LRRC72: variants seen among roughly 807,000 people sequenced by gnomAD.
The protein encoded by LRRC72 is leucine-rich repeat-containing protein 72.
LRRC72 carries 41 observed loss-of-function variants against 35.8 expected under a neutral mutation model. The observed-to-expected ratio is 1.15, with a 90% CI of 0.89 to 1.49. The LOEUF is 1.49. LRRC72 is among the 40% of genes most tolerant of loss of function. The probability of loss-of-function intolerance (pLI) is 0.00; values close to 1 mark genes in which losing one functional copy is unlikely to be tolerated. For synonymous variants in LRRC72, 118 were observed against 119.2 expected (o/e 0.99, Z 0.07); for missense variants, 389 against 330.7 (o/e 1.18, Z -1.37).
chr7:16,569,550 T>C (rs1221892479), intron 7 of LRRC72, among the ~76,000 whole-genome samples: 1 of 152,146 alleles, frequency 6.6e-6, no homozygotes, highest in Non-Finnish European at 1.5e-5. Context: ...AGGATTAAAA[T>C]GTTTCAGCAG....
Position 16,566,364 on chromosome 7 carries a change from T to A in LRRC72, c.479T>A (p.Ile160Asn). 1 of 1,547,614 alleles carries A rather than the reference T, an allele frequency of 6.5e-7. No individual in the cohort carries two copies. The highest frequency in any genetic ancestry group is 2.0e-5 in the Admixed American group (1 of 50,558). The stretch of plus-strand genomic sequence containing the variant: ...TATAACCTGTATCGTTTATATATCA[T>A]CTACCACCTTCCAGGAGTGGAGCTG... ...CQYNLYRLYI[I>N]YHLPGVELLD... Residue 160 changes from isoleucine to asparagine, a missense_variant, in exon 6 of 9, where the codon ATC becomes AAC. By Grantham distance (149) the Ile-to-Asn change is moderately radical. Transcript: ENST00000401542.
At chr7:16,544,516 T>C (rs143001327) in intron 3 of LRRC72, among the ~76,000 whole-genome samples, 19 of 152,326 alleles carry the variant, frequency 1.2e-4, no homozygotes, top group Middle Eastern at 3.4e-3. Context: ...CCTCGTTTCA[T>C]TCTCTAACAA....
At chr7:16,537,854 T>C (rs992396860) in intron 3 of LRRC72, among the ~76,000 whole-genome samples, 158 bp downstream of exon 3, 1 of 152,192 alleles carries the variant, frequency 6.6e-6, no homozygotes, top group African/African-American at 2.4e-5. Flanking sequence ...TACATATATA[T>C]ATATTTGGTA....
Position 16,527,031 on chromosome 7 carries a change from A to C in LRRC72, c.79A>C (p.Ser27Arg). ...LRRASETALQ[S>R]SRRAVEDQLK... Reference sequence around the variant, plus strand: ...GAGGGCATCCGAAACTGCCCTACAGAGCAGTCGCCGGGTAAGCGGCACCTG... The same window carrying C: ...GAGGGCATCCGAAACTGCCCTACAGCGCAGTCGCCGGGTAAGCGGCACCTG... Residue 27 changes from serine to arginine, a missense_variant, in exon 1 of 9, where the codon AGC (serine) becomes CGC (arginine). Ser to Arg is a moderately radical substitution (Grantham distance 110). Coordinates refer to ENST00000401542, the MANE Select transcript of LRRC72 (RefSeq NM_001195280.2). 6.5e-7 allele frequency: 1 copy of C among 1,538,428 alleles called. No homozygotes were observed. Among genetic ancestry groups the C allele is most frequent in the African/African-American group, 1.4e-5 (1 of 73,166 alleles).
chr7:16,530,195 G>T (rs564654093), intron 1 of LRRC72: 1 of 152,082 alleles, frequency 6.6e-6, no homozygotes, highest in African/African-American at 2.4e-5. Flanking sequence ...ACTTGATTAC[G>T]GAGGCTGAGA....
chr7:16,576,537 A>C (rs775478594), intron 7 of LRRC72, among the ~76,000 whole-genome samples: 42 of 152,164 alleles, frequency 2.8e-4, no homozygotes, highest in Non-Finnish European at 4.9e-4. Context: ...GTCCTTATCA[A>C]ATAAGTATGG....
At chr7:16,545,725 A>G (rs765936130) in intron 3 of LRRC72, among the ~76,000 whole-genome samples, 3 of 152,208 alleles carry the variant, frequency 2.0e-5, no homozygotes, top group Non-Finnish European at 4.4e-5. Context: ...ATTTTGCTCC[A>G]TATTTTAAAA....
At chr7:16,543,475 T>A (rs755424894) in intron 3 of LRRC72, among the ~76,000 whole-genome samples, 2 of 152,240 alleles carry the variant, frequency 1.3e-5, no homozygotes, top group Non-Finnish European at 2.9e-5. Context: ...ATGAGGTCAT[T>A]ATTTGTTGTC....
intron 3 of LRRC72, among the ~76,000 whole-genome samples, chr7:16,556,345 T>G (rs1451085763): frequency 6.6e-6 from 1 of 152,132 alleles, no homozygotes; most frequent in Non-Finnish European, 1.5e-5. Flanking sequence ...CACCCAAAAC[T>G]CTAGTGTTCA....
chr7:16,548,574 C>T (rs146134281), intron 3 of LRRC72, among the ~76,000 whole-genome samples: 65 of 152,372 alleles, frequency 4.3e-4, no homozygotes, highest in African/African-American at 1.5e-3. Flanking sequence ...CCAGCCACAG[C>T]CTCACAGGAA....
At chr7:16,564,483 C>T (rs1782793137) in intron 5 of LRRC72, among the ~76,000 whole-genome samples, 1 of 151,612 alleles carries the variant, frequency 6.6e-6, no homozygotes, top group Non-Finnish European at 1.5e-5. Context: ...GAATAAAATT[C>T]AGACCATTTT....
chr7:16,540,996 G>A (rs1158469265), intron 3 of LRRC72, among the ~76,000 whole-genome samples: 16 of 152,148 alleles, frequency 1.1e-4, no homozygotes, highest in Non-Finnish European at 1.5e-5. Context: ...CCCCAAATGA[G>A]GGAACATGTC....
In LRRC72 at chr7:16,527,039, C is replaced by T. The variant is rs1473777641; in HGVS notation, c.87C>T (p.Arg29=). The T allele has an allele frequency of 1.3e-6, 2 of 1,537,812 alleles. No homozygotes were observed. Among genetic ancestry groups the T allele is most frequent in the Non-Finnish European group, 1.7e-6 (2 of 1,146,842 alleles). ...RASETALQSS[R]RAVEDQLKIC... ...CCGAAACTGCCCTACAGAGCAGTCG[C>T]CGGGTAAGCGGCACCTGCCTTCCCA... Residue 29 remains arginine, a synonymous_variant, in exon 1 of 9, where the codon CGC becomes CGT. Coordinates refer to ENST00000401542, the MANE Select transcript of LRRC72 (RefSeq NM_001195280.2).
At chr7:16,535,588 T>A (rs1000899139) in intron 2 of LRRC72, among the ~76,000 whole-genome samples, 2 of 152,186 alleles carry the variant, frequency 1.3e-5, no homozygotes, top group Non-Finnish European at 2.9e-5. Flanking sequence ...TCTCAGATAT[T>A]TGCCTCATGT....
At chr7:16,541,193 G>T (rs1782350960) in intron 3 of LRRC72, among the ~76,000 whole-genome samples, 1 of 152,160 alleles carries the variant, frequency 6.6e-6, no homozygotes, top group African/African-American at 2.4e-5. Flanking sequence ...TGACTAGGTT[G>T]TTTGCAACTT....
At chr7:16,578,594 T>C (rs1052018166) in intron 7 of LRRC72, among the ~76,000 whole-genome samples, 1 of 152,226 alleles carries the variant, frequency 6.6e-6, no homozygotes, top group Non-Finnish European at 1.5e-5. Flanking sequence ...CAAATCTCTA[T>C]GTATATATAC....
At chr7:16,541,679 C>G (rs1012730837) in intron 3 of LRRC72, among the ~76,000 whole-genome samples, 1 of 152,124 alleles carries the variant, frequency 6.6e-6, no homozygotes, top group Non-Finnish European at 1.5e-5. Context: ...TTTGGGAGGC[C>G]GAGGCGAATG....
intron 7 of LRRC72, among the ~76,000 whole-genome samples, chr7:16,568,000 T>C (rs142432672): frequency 0.01 from 1,570 of 152,292 alleles, 24 homozygotes; most frequent in South Asian, 0.027. Context: ...TATACTCACA[T>C]ACAGGGTCAT....
chr7:16,562,532 G>C (rs1284532069), intron 5 of LRRC72, among the ~76,000 whole-genome samples: 1 of 152,212 alleles, frequency 6.6e-6, no homozygotes, highest in Non-Finnish European at 1.5e-5. Flanking sequence ...TCCTACCGGA[G>C]CTTCCAGGAA....
Sources: gnomAD v4.1 joint callset for allele counts (sites outside exome capture counted in the v4.1 genomes callset) on GRCh38, gnomAD v4.1.1 for gene constraint, MANE v1.5 for transcripts, NCBI Gene and HGNC (gene_info 2026-07-23, HGNC 2026-07-21) for gene names.